PDLIM5: variants seen among roughly 807,000 people sequenced by gnomAD.
PDLIM5 encodes the protein PDZ and LIM domain protein 5.
A neutral mutation model predicts 64.2 loss-of-function variants in PDLIM5; 34 were observed. The ratio of observed to expected loss-of-function variants is 0.53; its 90% CI spans 0.40 to 0.71. The LOEUF (loss-of-function observed/expected upper bound fraction) is 0.71. PDLIM5 is among the 30% of genes least tolerant of loss of function. The probability of loss-of-function intolerance (pLI) is 0.00; values close to 1 mark genes in which losing one functional copy is unlikely to be tolerated. For synonymous variants in PDLIM5, 253 were observed against 269.1 expected (o/e 0.94, Z 0.59); for missense variants, 683 against 733.6 (o/e 0.93, Z 0.80).
chr4:94,455,814 C>T, intron 2 of PDLIM5: 1 of 1,494,798 alleles, frequency 6.7e-7, no homozygotes. Flanking sequence ...GAATTATTTC[C>T]TCAGCTCACT....
intron 3 of PDLIM5, among the ~76,000 whole-genome samples, chr4:94,544,474 A>G (rs1461512182): frequency 6.6e-6 from 1 of 152,194 alleles, no homozygotes; most frequent in East Asian, 1.9e-4. Context: ...CAAGTGGCTC[A>G]AGAGCGGTAC....
chr4:94,632,776 A>T (rs906000452), intron 8 of PDLIM5, among the ~76,000 whole-genome samples: 5 of 152,168 alleles, frequency 3.3e-5, no homozygotes, highest in Admixed American at 1.3e-4. Context: ...TGTGAAAACA[A>T]TTCAACCCAT....
chr4:94,614,318 T>C (rs750935135), intron 7 of PDLIM5, among the ~76,000 whole-genome samples: 2 of 152,144 alleles, frequency 1.3e-5, no homozygotes, highest in African/African-American at 2.4e-5. Context: ...TCTTGCCGTG[T>C]TGCCCAGGCT....
intron 8 of PDLIM5, among the ~76,000 whole-genome samples, chr4:94,622,273 CGTTCCTGTTTAA>C (rs1192121740): frequency 6.6e-6 from 1 of 152,094 alleles, no homozygotes; most frequent in Non-Finnish European, 1.5e-5. Context: ...TGTGTTTATG[CGTTCCTGTTTAA>C]ATTATGGATA....
chr4:94,517,074 A>G (rs1388548845), intron 2 of PDLIM5, among the ~76,000 whole-genome samples: 1 of 152,094 alleles, frequency 6.6e-6, no homozygotes, highest in South Asian at 2.1e-4. Context: ...TGCGGGGGGG[A>G]CATCACATCA....
At chr4:94,542,332 A>AAATAAATAAATAAATAAAGT (rs1553953459) in intron 3 of PDLIM5, among the ~76,000 whole-genome samples, 1 of 150,186 alleles carries the variant, frequency 6.7e-6, no homozygotes, top group African/African-American at 2.4e-5. Context: ...ATAAATAAAT[A>AAATAAATAAATAAATAAAGT]AAGTAAGTAA....
At chr4:94,512,297 G>T (rs890885606) in intron 2 of PDLIM5, among the ~76,000 whole-genome samples, 1 of 152,070 alleles carries the variant, frequency 6.6e-6, no homozygotes, top group Non-Finnish European at 1.5e-5. Flanking sequence ...GGGATTACAG[G>T]CATGAGCCAC....
At chr4:94,587,555 G>A (rs1736335048) in intron 7 of PDLIM5, 1 of 928,108 alleles carries the variant, frequency 1.1e-6, no homozygotes, top group East Asian at 1.2e-4. Context: ...TTCTAAATAA[G>A]TAAATATAAG....
At chr4:94,457,261 C>A in intron 2 of PDLIM5, 2 of 596,968 alleles carry the variant, frequency 3.4e-6, no homozygotes, top group Non-Finnish European at 4.2e-6. Context: ...TCAATTTCTG[C>A]CTTGATTTCA....
In PDLIM5 at chr4:94,590,721, A is replaced by C. The variant is rs549346830; in HGVS notation, c.920+4277A>C. On this transcript the variant is annotated intron_variant, in intron 7 of 12. Transcript: ENST00000317968. ...GAAAGGAGCATGGCAAGAATACAGA[A>C]CAGAAAGGTCAGTGTGGCTGGAGTC... 2.0e-5 allele frequency among the ~76,000 whole-genome samples: 3 copies of C among 152,292 alleles called. No homozygotes were observed. The East Asian group carries it at 5.8e-4, about 29-fold the overall frequency.
At chr4:94,558,227 T>G (rs1733530406) in intron 3 of PDLIM5, among the ~76,000 whole-genome samples, 1 of 152,230 alleles carries the variant, frequency 6.6e-6, no homozygotes, top group Non-Finnish European at 1.5e-5. Flanking sequence ...TTGCGTATGT[T>G]GAACCAGCCT....
intron 8 of PDLIM5, among the ~76,000 whole-genome samples, chr4:94,632,534 G>C (rs1039185782): frequency 1.3e-5 from 2 of 152,156 alleles, no homozygotes; most frequent in Non-Finnish European, 2.9e-5. Flanking sequence ...TACTGTGTTG[G>C]GAGATGTGTG....
At chr4:94,480,979 A>G (rs1326158013) in intron 2 of PDLIM5, among the ~76,000 whole-genome samples, 1 of 152,084 alleles carries the variant, frequency 6.6e-6, no homozygotes, top group Non-Finnish European at 1.5e-5. Flanking sequence ...GTTTTTATGA[A>G]CCTTGATATT....
intron 3 of PDLIM5, among the ~76,000 whole-genome samples, chr4:94,553,466 C>A (rs1470403573): frequency 6.6e-6 from 1 of 152,168 alleles, no homozygotes; most frequent in African/African-American, 2.4e-5. Flanking sequence ...ACTTCTCTTG[C>A]CATCTTCTTG....
intron 2 of PDLIM5, among the ~76,000 whole-genome samples, chr4:94,495,025 G>A (rs185167318): frequency 8.9e-4 from 134 of 151,222 alleles, no homozygotes; most frequent in Admixed American, 1.5e-3. Flanking sequence ...GATTACAGGC[G>A]TGAGCCACCA....
intron 7 of PDLIM5, among the ~76,000 whole-genome samples, chr4:94,602,539 G>A (rs1316872950): frequency 5.3e-5 from 8 of 151,678 alleles, no homozygotes; most frequent in East Asian, 3.9e-4. Context: ...TGCAACCTCC[G>A]CCTCCCAGGT....
At chr4:94,573,849 A>ATG in intron 4 of PDLIM5, 2 of 164,142 alleles carry the variant, frequency 1.2e-5, no homozygotes, top group Middle Eastern at 6.5e-3. Flanking sequence ...ATTTCAAACC[A>ATG]TTATTCATAT....
At chr4:94,545,188 C>T (rs375986614) in intron 3 of PDLIM5, among the ~76,000 whole-genome samples, 2 of 152,058 alleles carry the variant, frequency 1.3e-5, no homozygotes, top group African/African-American at 2.4e-5. Flanking sequence ...AAATATAGTT[C>T]GAATGTCTGT....
At position 94,618,100 on chromosome 4, in the gene PDLIM5, G is replaced by C; in HGVS notation, c.1017G>C (p.Gly339=). The change falls in exon 8 of 13, where the codon GGG becomes GGC. Residue 339 remains glycine (G), a synonymous_variant. Transcript: ENST00000317968. ...SLDSPTSGRP[G]VTSLTAAAAF... ...ACAGCCCAACCTCTGGCAGACCAGG[G>C]GTTACCAGCCTCACAGCTGCAGCTG... The C allele has an allele frequency of 6.2e-7, 1 of 1,612,098 alleles. No individual in the cohort carries two copies. The highest frequency in any genetic ancestry group is 2.2e-5 in the East Asian group (1 of 44,710).
Sources: gnomAD v4.1 joint callset for allele counts (sites outside exome capture counted in the v4.1 genomes callset) on GRCh38, gnomAD v4.1.1 for gene constraint, MANE v1.5 for transcripts, NCBI Gene and HGNC (gene_info 2026-07-23, HGNC 2026-07-21) for gene names.